Variants in PDE4C observed in about 807,000 individuals in gnomAD.
PDE4C encodes 3',5'-cyclic-AMP phosphodiesterase 4C.
Under a neutral mutation model 63.9 loss-of-function variants are expected in PDE4C, and 50 were observed. The ratio of observed to expected loss-of-function variants is 0.78; its 90% CI spans 0.62 to 0.99. The LOEUF (loss-of-function observed/expected upper bound fraction) is 0.99. Among genes scored for constraint, PDE4C ranks in the 50% least tolerant of loss-of-function variants. PDE4C has a pLI of 0.00. For synonymous variants in PDE4C, 377 were observed against 385.1 expected, an observed-to-expected ratio of 0.98 and a Z score of 0.25; for missense variants, 777 against 899.1, an observed-to-expected ratio of 0.86 and a Z score of 1.74.
intron 1 of PDE4C, chr19:18,224,297 G>T: frequency 1.0e-5 from 10 of 985,482 alleles, no homozygotes; most frequent in Non-Finnish European, 1.2e-5. Context: ...AACCGGGACC[G>T]CCTGAGACTC....
At chr19:18,215,381 G>T (rs7245576) in intron 12 of PDE4C, among the ~76,000 whole-genome samples, 43,976 of 151,794 alleles carry the variant, frequency 0.29, 6,837 homozygotes, top group Non-Finnish European at 0.34. Context: ...CATAACGGCC[G>T]GAACTGTCTT....
intron 1 of PDE4C, among the ~76,000 whole-genome samples, chr19:18,232,082 A>T (rs1230557116): frequency 6.6e-6 from 1 of 152,100 alleles, no homozygotes; most frequent in Non-Finnish European, 1.5e-5. Flanking sequence ...TATATTAAAT[A>T]GGCCAGGTGC....
intron 12 of PDE4C, among the ~76,000 whole-genome samples, chr19:18,214,637 G>A (rs1968110338): frequency 6.6e-6 from 1 of 151,826 alleles, no homozygotes; most frequent in African/African-American, 2.4e-5. Context: ...GCTATTTCTA[G>A]GCACAGATGT....
chr19:18,219,258 A>T, exon 8 of PDE4C: 1 of 1,614,192 alleles, frequency 6.2e-7, no homozygotes, highest in Non-Finnish European at 8.5e-7. Flanking sequence ...CCTCCTGGTC[A>T]GTCTGGACCC....
chr19:18,213,448 C>T (rs757151451), exon 13 of PDE4C: 9 of 1,613,458 alleles, frequency 5.6e-6, no homozygotes, highest in South Asian at 3.3e-5. Context: ...GTCTTGAGGT[C>T]GGCCAGGAGG....
At chr19:18,227,506 C>A (rs1968765228), upstream of PDE4C, among the ~76,000 whole-genome samples, 2 of 152,326 alleles carry the variant, frequency 1.3e-5, no homozygotes, top group East Asian at 3.9e-4. Flanking sequence ...ACCTCACTGT[C>A]CCAGGACTGG....
upstream of PDE4C, among the ~76,000 whole-genome samples, chr19:18,238,453 G>C (rs1968989453): frequency 6.6e-6 from 1 of 151,672 alleles, no homozygotes; most frequent in South Asian, 2.1e-4. Context: ...GGCCAGGCTG[G>C]TCTCGAACTC....
At chr19:18,226,407 G>C in exon 1 of PDE4C, 2 of 1,436,778 alleles carry the variant, frequency 1.4e-6, no homozygotes, top group Non-Finnish European at 1.8e-6. Flanking sequence ...GCGCGGGGGG[G>C]CCCTGCATCG....
At chr19:18,236,099 C>A (rs1156542717), upstream of PDE4C, among the ~76,000 whole-genome samples, 1 of 151,858 alleles carries the variant, frequency 6.6e-6, no homozygotes, top group African/African-American at 2.4e-5. Context: ...CCCGCCACTA[C>A]GCCTGGCTAA....
exon 1 of PDE4C, chr19:18,233,300 C>CA: frequency 6.9e-7 from 1 of 1,454,008 alleles, no homozygotes; most frequent in South Asian, 1.2e-5. Context: ...GTGGAGGCGA[C>CA]AGCGAGGAGC....
upstream of PDE4C, among the ~76,000 whole-genome samples, chr19:18,229,465 T>A (rs761859817): frequency 1.3e-5 from 2 of 152,132 alleles, no homozygotes; most frequent in Non-Finnish European, 2.9e-5. Flanking sequence ...GGTCTTGAAC[T>A]CCTGACCTCA....
chr19:18,222,996 G>C (rs900817908), intron 1 of PDE4C, among the ~76,000 whole-genome samples: 1 of 151,400 alleles, frequency 6.6e-6, no homozygotes, highest in African/African-American at 2.4e-5. Flanking sequence ...CACCGCACCC[G>C]GCCTCCCCAT....
chr19:18,244,406 C>T (rs924273647), intron 1 of PDE4C, among the ~76,000 whole-genome samples: 1 of 151,420 alleles, frequency 6.6e-6, no homozygotes, highest in Non-Finnish European at 1.5e-5. Flanking sequence ...GCAATCCTCC[C>T]ACCTCAGCCT....
chr19:18,253,563 A>ACACAC, the PDE4C span, among the ~76,000 whole-genome samples: 2 of 141,750 alleles, frequency 1.4e-5, no homozygotes, highest in Non-Finnish European at 3.0e-5. Context: ...AAAAAAAAAA[A>ACACAC]ACACACACAC....
chr19:18,236,195 G>A, upstream of PDE4C, among the ~76,000 whole-genome samples: 1 of 151,810 alleles, frequency 6.6e-6, no homozygotes, highest in Middle Eastern at 3.2e-3. Context: ...CACCCACCTT[G>A]GCCTCCCAAA....
At chr19:18,233,335 G>T (rs1195007665) in exon 1 of PDE4C, 37 of 1,136,060 alleles carry the variant, frequency 3.3e-5, no homozygotes, top group Admixed American at 9.9e-5. Flanking sequence ...GTGCTGAAGC[G>T]GTAGAAGGTG....
At chr19:18,246,182 ATTTTTTTTT>A (rs35056580) in intron 1 of PDE4C, among the ~76,000 whole-genome samples, 2 of 112,662 alleles carry the variant, frequency 1.8e-5, no homozygotes, top group Non-Finnish European at 3.7e-5. Flanking sequence ...CACCAGGCTA[ATTTTTTTTT>A]TTTTTTTTTT....
intron 1 of PDE4C, among the ~76,000 whole-genome samples, chr19:18,239,072 T>G (rs1392190043): frequency 6.6e-6 from 1 of 152,156 alleles, no homozygotes; most frequent in African/African-American, 2.4e-5. Flanking sequence ...GGCTAACATT[T>G]TCTGCACAAT....
chr19:18,222,924 T>C (rs923869858), intron 1 of PDE4C, among the ~76,000 whole-genome samples: 1 of 151,974 alleles, frequency 6.6e-6, no homozygotes, highest in Non-Finnish European at 1.5e-5. Flanking sequence ...GGTCTTGAAC[T>C]CCTGGCCTCA....
Sources: allele counts gnomAD v4.1 joint callset (sites outside exome capture counted in the v4.1 genomes callset), GRCh38; gene constraint gnomAD v4.1.1; transcripts MANE v1.5; gene names NCBI Gene and HGNC (gene_info 2026-07-23, HGNC 2026-07-21).